SLC30A9: variants seen among roughly 807,000 people sequenced by gnomAD.
SLC30A9 encodes proton-coupled zinc antiporter SLC30A9, mitochondrial.
Under a neutral mutation model 87.5 loss-of-function variants are expected in SLC30A9, and 58 were observed. That is an observed-to-expected ratio of 0.66 (90% confidence interval 0.54 to 0.82). SLC30A9 has a LOEUF of 0.82. Ranked by LOEUF, SLC30A9 falls within the 40% of genes least tolerant of loss-of-function variation. The pLI, the probability that SLC30A9 is intolerant of heterozygous loss-of-function variation, is 0.00. For missense variants in SLC30A9, 557 were observed against 679.1 expected (o/e 0.82, Z 2.00); for synonymous variants, 234 against 233.0 (o/e 1.00, Z -0.04).
intron 15 of SLC30A9, 126 bp downstream of exon 15, chr4:42,070,817 A>G: frequency 1.6e-6 from 1 of 628,352 alleles, no homozygotes; most frequent in Non-Finnish European, 2.5e-6. Context: ...TTAGTCTGTA[A>G]CTTTTCAGAA....
At chr4:42,040,049 T>G (rs1467032642) in intron 8 of SLC30A9, among the ~76,000 whole-genome samples, 1 of 152,206 alleles carries the variant, frequency 6.6e-6, no homozygotes, top group Non-Finnish European at 1.5e-5. Flanking sequence ...GTGGTACAGA[T>G]AGACGTAGAC....
At chr4:42,056,349 A>G (rs1410661945) in intron 9 of SLC30A9, among the ~76,000 whole-genome samples, 1 of 152,176 alleles carries the variant, frequency 6.6e-6, no homozygotes, top group Non-Finnish European at 1.5e-5. Context: ...TACAAAAAAA[A>G]GAGGTTTAAT....
chr4:42,056,069 T>TG, intron 9 of SLC30A9, among the ~76,000 whole-genome samples: 1 of 152,164 alleles, frequency 6.6e-6, no homozygotes, highest in African/African-American at 2.4e-5. Context: ...CTGGTTGGGG[T>TG]GGTCTCATTT....
At chr4:41,997,409 A>G (rs1472499309) in intron 1 of SLC30A9, among the ~76,000 whole-genome samples, 3 of 152,118 alleles carry the variant, frequency 2.0e-5, no homozygotes, top group Admixed American at 6.5e-5. Context: ...GAAGTTCCAG[A>G]TAATTTAGCT....
intron 3 of SLC30A9, chr4:42,018,540 CT>C: frequency 1.4e-6 from 1 of 700,448 alleles, no homozygotes; most frequent in South Asian, 2.4e-5. Context: ...ACTTTATTTT[CT>C]AGGAGAAATT....
chr4:42,086,989 A>C lies in SLC30A9; in HGVS notation c.*863A>C, dbSNP rs1363673035. ...TCTGTAAAGTGGGTTAGAAATATTT[A>C]TAATTTTACAGGCAGGACAGCATTT... On this transcript the variant is annotated 3_prime_UTR_variant, in exon 18 of 18. Coordinates refer to ENST00000264451, the MANE Select transcript of SLC30A9 (RefSeq NM_006345.4). The C allele has an allele frequency of 6.6e-6, 1 of 152,214 alleles. No individual in the cohort carries two copies. Among genetic ancestry groups the C allele is most frequent in the Non-Finnish European group, 1.5e-5 (1 of 68,038 alleles). 9.4% of individuals were successfully genotyped at this position (152,214 alleles called of 1,614,324 possible).
At chr4:42,044,519 T>C (rs895639251) in intron 8 of SLC30A9, among the ~76,000 whole-genome samples, 2 of 151,868 alleles carry the variant, frequency 1.3e-5, no homozygotes, top group Admixed American at 6.6e-5. Context: ...GAGCTAACTG[T>C]CCTAAATATA....
At chr4:42,004,214 G>A (rs1450817331) in intron 2 of SLC30A9, among the ~76,000 whole-genome samples, 1 of 152,124 alleles carries the variant, frequency 6.6e-6, no homozygotes, top group African/African-American at 2.4e-5. Context: ...CTATTTGACA[G>A]CATTTTAAAT....
intron 14 of SLC30A9, 143 bp from the exon 15 acceptor site, chr4:42,070,380 TAGG>T (rs1247632037): frequency 5.2e-6 from 3 of 581,220 alleles, no homozygotes; most frequent in Non-Finnish European, 6.0e-6. Context: ...TTAAAACTAT[TAGG>T]AGTTGTTAAA....
intron 6 of SLC30A9, among the ~76,000 whole-genome samples, chr4:42,032,637 A>G (rs1466392057): frequency 6.6e-6 from 1 of 152,172 alleles, no homozygotes; most frequent in African/African-American, 2.4e-5. Flanking sequence ...GGAGGGGAGC[A>G]GTGGGATAGG....
At chr4:42,070,995 C>T (rs553328094) in intron 15 of SLC30A9, among the ~76,000 whole-genome samples, 6 of 152,066 alleles carry the variant, frequency 3.9e-5, no homozygotes, top group Admixed American at 3.9e-4. Flanking sequence ...AATATGGAAC[C>T]TGTAGAGTTG....
chr4:41,996,198 C>A (rs1370391001), intron 1 of SLC30A9, among the ~76,000 whole-genome samples: 1 of 151,958 alleles, frequency 6.6e-6, no homozygotes, highest in African/African-American at 2.4e-5. Context: ...TGGGTTCAAG[C>A]AATTCTCCTG....
Position 42,089,408 on chromosome 4 carries a change from G to A in SLC30A9, c.*3282G>A, listed in dbSNP as rs1334952266. The stretch of plus-strand genomic sequence containing the variant: ...TTCATCATGGCAGTGGGAGGATGAG[G>A]GGTGGAGTGTTTTTGTTTTTTTTGT... On this transcript the variant is annotated 3_prime_UTR_variant, in exon 18 of 18. Transcript: ENST00000264451. 1 of 152,190 alleles carries A rather than the reference G, an allele frequency of 6.6e-6. No homozygotes were observed. The highest frequency in any genetic ancestry group is 6.6e-5 in the Admixed American group (1 of 15,240). 9.4% of individuals were successfully genotyped at this position (152,190 alleles called of 1,614,324 possible).
At chr4:42,040,742 G>C (rs1716887913) in intron 8 of SLC30A9, among the ~76,000 whole-genome samples, 1 of 146,474 alleles carries the variant, frequency 6.8e-6, no homozygotes, top group African/African-American at 2.6e-5. Flanking sequence ...CTTGCAGTGA[G>C]CCAAGATTGC....
rs533168349 is a variant in SLC30A9 at position 42,070,314 on chromosome 4, T to C, written c.1253-212T>C. 14 of 441,434 alleles carry C rather than the reference T, an allele frequency of 3.2e-5. No individual in the cohort carries two copies. In the South Asian group the frequency reaches 7.5e-4, roughly 24 times the overall value. 27.3% of individuals were successfully genotyped at this position (441,434 alleles called of 1,614,324 possible). ...ACAGGTACAAGTAAGAGATCTTAATTATGTCACATAGTACTCTTATGAAAG... is the reference window on the plus strand; with the variant it reads ...ACAGGTACAAGTAAGAGATCTTAATCATGTCACATAGTACTCTTATGAAAG... On this transcript the variant is annotated intron_variant, in intron 14 of 17. Coordinates refer to ENST00000264451, the MANE Select transcript of SLC30A9 (RefSeq NM_006345.4).
chr4:42,026,777 C>A (rs902337324), intron 6 of SLC30A9, among the ~76,000 whole-genome samples: 1 of 150,506 alleles, frequency 6.6e-6, no homozygotes, highest in African/African-American at 2.4e-5. Flanking sequence ...TTAGTTTTTC[C>A]AACGTGAACT....
At chr4:42,030,076 G>C (rs1306791830) in intron 6 of SLC30A9, 1 of 865,350 alleles carries the variant, frequency 1.2e-6, no homozygotes, top group Admixed American at 2.6e-5. Flanking sequence ...CAGTGAGAAA[G>C]ATGGTTTTCA....
chr4:42,044,277 G>C (rs1717047284), intron 8 of SLC30A9, among the ~76,000 whole-genome samples: 1 of 151,266 alleles, frequency 6.6e-6, no homozygotes, highest in African/African-American at 2.4e-5. Context: ...ATTGGATAAA[G>C]AGTCAAGACC....
intron 7 of SLC30A9, among the ~76,000 whole-genome samples, chr4:42,036,828 A>C (rs1014813163): frequency 2.6e-5 from 4 of 152,096 alleles, no homozygotes; most frequent in African/African-American, 9.7e-5. Context: ...CATATGTCTT[A>C]TGAGCCAGCA....
Sources: gnomAD v4.1 joint callset for allele counts (sites outside exome capture counted in the v4.1 genomes callset) on GRCh38, gnomAD v4.1.1 for gene constraint, MANE v1.5 for transcripts, NCBI Gene and HGNC (gene_info 2026-07-23, HGNC 2026-07-21) for gene names.